PPP1R9A: variants seen among roughly 807,000 people sequenced by gnomAD.
The protein encoded by PPP1R9A is protein phosphatase 1 regulatory subunit 9A, also known as neurabin-1.
In PPP1R9A, 59 loss-of-function variants were observed where a neutral mutation model predicts 141.9. The observed-to-expected ratio is 0.42, with a 90% CI of 0.34 to 0.52. The LOEUF (loss-of-function observed/expected upper bound fraction) is 0.52, where lower values mean the gene tolerates loss of function less well. PPP1R9A is among the 20% of genes least tolerant of loss of function. The pLI, the probability that PPP1R9A is intolerant of heterozygous loss-of-function variation, is 0.10. For synonymous variants in PPP1R9A, 500 were observed against 569.7 expected, an observed-to-expected ratio of 0.88 and a Z score of 1.74; for missense variants, 1,444 against 1,611.9, an observed-to-expected ratio of 0.90 and a Z score of 1.78.
chr7:95,179,794 AAAT>A (rs1241560367), intron 5 of PPP1R9A, among the ~76,000 whole-genome samples: 1 of 151,526 alleles, frequency 6.6e-6, no homozygotes, highest in African/African-American at 2.4e-5. Context: ...AAAAAAAAAA[AAAT>A]ACGTAGGAAT....
chr7:94,918,752 G>T (rs1339508313), intron 2 of PPP1R9A, among the ~76,000 whole-genome samples: 1 of 152,084 alleles, frequency 6.6e-6, no homozygotes, highest in African/African-American at 2.4e-5. Flanking sequence ...GAATATAGGA[G>T]ACTTGAAGAA....
chr7:94,955,516 C>T (rs948582272), intron 2 of PPP1R9A, among the ~76,000 whole-genome samples: 8 of 151,934 alleles, frequency 5.3e-5, no homozygotes, highest in Non-Finnish European at 7.4e-5. Flanking sequence ...CTTGCTTGCT[C>T]TAATTGCTGT....
chr7:95,252,260 T>A, intron 12 of PPP1R9A, 130 bp downstream of exon 12: 1 of 1,018,038 alleles, frequency 9.8e-7, no homozygotes, highest in South Asian at 2.6e-5. Flanking sequence ...AAAAGGCTTA[T>A]CAAAATAGGA....
chr7:95,002,814 C>G (rs1803124252), intron 2 of PPP1R9A, among the ~76,000 whole-genome samples: 1 of 152,136 alleles, frequency 6.6e-6, no homozygotes, highest in Non-Finnish European at 1.5e-5. Flanking sequence ...TGTCCTTAAA[C>G]TGTGATGTAA....
intron 2 of PPP1R9A, among the ~76,000 whole-genome samples, chr7:95,027,417 C>T (rs908377175): frequency 6.6e-5 from 10 of 152,180 alleles, no homozygotes; most frequent in African/African-American, 2.2e-4. Flanking sequence ...GCTGCACCCA[C>T]TGTCTAACCA....
At chr7:95,153,933 G>C (rs1383847323) in intron 4 of PPP1R9A, among the ~76,000 whole-genome samples, 1 of 152,028 alleles carries the variant, frequency 6.6e-6, no homozygotes, top group Non-Finnish European at 1.5e-5. Flanking sequence ...AGATTTAGTT[G>C]CTTATAATAG....
chr7:95,167,749 A>G (rs1377302430), intron 5 of PPP1R9A, among the ~76,000 whole-genome samples: 3 of 152,184 alleles, frequency 2.0e-5, no homozygotes, highest in South Asian at 2.1e-4. Flanking sequence ...TGCTGTTTCT[A>G]TACAAAAATA....
chr7:95,268,604 C>T lies in PPP1R9A; in HGVS notation c.2720C>T (p.Thr907Ile). ...TERLDSKALKTRAQLSVKNRR... is the reference protein window; with the variant it reads ...TERLDSKALKIRAQLSVKNRR... ...CGCCTGGATTCAAAAGCACTGAAAACTCGAGCCCAGCTCTCTGTGAAGAAC... is the reference window on the plus strand; with the variant it reads ...CGCCTGGATTCAAAAGCACTGAAAATTCGAGCCCAGCTCTCTGTGAAGAAC... Residue 907 changes from threonine (T) to isoleucine (I), a missense_variant, in exon 13 of 20, where the codon ACT becomes ATT. By Grantham distance (89) the Thr-to-Ile change is moderately conservative. Around this residue, in one of 5 missense-constraint regions of PPP1R9A, gnomAD observed 488 missense variants for 542.0 expected, o/e 0.90. Coordinates refer to ENST00000433360, the MANE Select transcript of PPP1R9A (RefSeq NM_001166160.2). The T allele has an allele frequency of 6.2e-7, 1 of 1,613,520 alleles. No individual in the cohort carries two copies. Among genetic ancestry groups the T allele is most frequent in the Non-Finnish European group, 8.5e-7 (1 of 1,179,584 alleles).
chr7:95,250,072 C>A lies in PPP1R9A; in HGVS notation c.2213C>A (p.Thr738Asn), dbSNP rs762406102. The A allele has an allele frequency of 1.2e-6, 2 of 1,612,320 alleles. No homozygotes were observed. The highest frequency in any genetic ancestry group is 1.3e-5 in the African/African-American group (1 of 74,856). The change falls in exon 10 of 20, where the codon ACC (threonine) becomes AAC (asparagine). Residue 738 changes from threonine to asparagine, a missense_variant. Thr to Asn is a moderately conservative substitution (Grantham distance 65). Coordinates refer to ENST00000433360, the MANE Select transcript of PPP1R9A (RefSeq NM_001166160.2). Reference protein sequence around the residue: ...NEKVRWELEKTQLQQNIEENK... With the variant: ...NEKVRWELEKNQLQQNIEENK... ...AAAGTGAGGTGGGAACTAGAAAAAA[C>A]CCAACTCCAACAAAACATAGAAGAG...
chr7:95,210,464 A>C (rs1791848781), intron 7 of PPP1R9A, among the ~76,000 whole-genome samples: 1 of 150,644 alleles, frequency 6.6e-6, no homozygotes, highest in Non-Finnish European at 1.5e-5. Context: ...GGGTGTGTTC[A>C]AAAAAATTTT....
At chr7:95,111,895 A>T (rs145727119) in intron 3 of PPP1R9A, among the ~76,000 whole-genome samples, 1 of 152,044 alleles carries the variant, frequency 6.6e-6, no homozygotes, top group Non-Finnish European at 1.5e-5. Context: ...CTTCCTTCTG[A>T]TTTCTCTCCC....
intron 2 of PPP1R9A, among the ~76,000 whole-genome samples, chr7:95,040,401 A>G (rs1441620785): frequency 2.0e-5 from 3 of 152,044 alleles, no homozygotes; most frequent in Admixed American, 1.3e-4. Flanking sequence ...GATGATGTTA[A>G]GGAGTTATTT....
At chr7:95,167,556 G>A (rs1277883861) in intron 5 of PPP1R9A, among the ~76,000 whole-genome samples, 1 of 152,026 alleles carries the variant, frequency 6.6e-6, no homozygotes, top group African/African-American at 2.4e-5. Context: ...AGAGTAATCA[G>A]GCAAGAGAAA....
rs1425757704 is a variant in PPP1R9A at position 95,242,687 on chromosome 7, TC to T, written c.2113-4784del. 2.6e-5 allele frequency among the ~76,000 whole-genome samples: 4 copies of T among 152,304 alleles called. No individual in the cohort carries two copies. In the East Asian group the frequency reaches 7.7e-4, roughly 29 times the overall value. ...ATGTGTATGTTTATTTGTGCTGAAA[TC>T]CTGAGGTGCATATCTATGGCTTTCA... On this transcript the variant is annotated intron_variant, in intron 8 of 19. Coordinates refer to ENST00000433360, the MANE Select transcript of PPP1R9A (RefSeq NM_001166160.2).
intron 2 of PPP1R9A, among the ~76,000 whole-genome samples, chr7:95,006,193 C>CTTATTTATTTAT (rs71125097): frequency 1.0e-3 from 150 of 146,316 alleles, no homozygotes; most frequent in African/African-American, 2.3e-3. Flanking sequence ...ATCTTAAGAA[C>CTTATTTATTTAT]TTATTTATTT....
chr7:95,004,719 G>A (rs1442394029), intron 2 of PPP1R9A, among the ~76,000 whole-genome samples: 5 of 152,256 alleles, frequency 3.3e-5, no homozygotes, highest in South Asian at 4.2e-4. Flanking sequence ...AGTAGATACC[G>A]TATACTGTGG....
At chr7:95,053,255 C>A (rs1045930619) in intron 2 of PPP1R9A, among the ~76,000 whole-genome samples, 2 of 152,110 alleles carry the variant, frequency 1.3e-5, no homozygotes, top group Admixed American at 6.6e-5. Flanking sequence ...AAAATCAAAT[C>A]TGAAGGAATG....
At chr7:95,080,338 A>AATTGCTTCAAAG (rs1201432042) in intron 2 of PPP1R9A, among the ~76,000 whole-genome samples, 19 of 151,676 alleles carry the variant, frequency 1.3e-4, no homozygotes, top group Non-Finnish European at 2.4e-4. Flanking sequence ...TCCCATTCAC[A>AATTGCTTCAAAG]ATTGCTTCAA....
intron 4 of PPP1R9A, among the ~76,000 whole-genome samples, chr7:95,145,089 A>G (rs1322795454): frequency 2.0e-5 from 3 of 152,240 alleles, no homozygotes; most frequent in African/African-American, 7.2e-5. Context: ...TGAAGAAGAC[A>G]CAAATAAATG....
Sources: allele counts gnomAD v4.1 joint callset (sites outside exome capture counted in the v4.1 genomes callset), GRCh38; gene constraint gnomAD v4.1.1; regional missense constraint gnomAD v4.1.1; transcripts MANE v1.5; gene names NCBI Gene and HGNC (gene_info 2026-07-23, HGNC 2026-07-21).